ATG7: variants seen among roughly 807,000 people sequenced by gnomAD.
ATG7 encodes the protein ubiquitin-like modifier-activating enzyme ATG7.
A neutral mutation model predicts 82.4 loss-of-function variants in ATG7; 70 were observed. The observed-to-expected ratio is 0.85, with a 90% confidence interval of 0.70 to 1.04. The LOEUF is 1.04. Ranked by LOEUF, ATG7 falls within the 50% of genes least tolerant of loss-of-function variation. The probability of loss-of-function intolerance (pLI) is 0.00; values close to 1 mark genes in which losing one functional copy is unlikely to be tolerated. For synonymous variants in ATG7, 287 were observed against 313.0 expected, an observed-to-expected ratio of 0.92 and a Z score of 0.88; for missense variants, 792 against 864.3, an observed-to-expected ratio of 0.92 and a Z score of 1.05.
chr3:11,418,483 C>G (rs997087775), intron 19 of ATG7, among the ~76,000 whole-genome samples: 2 of 152,162 alleles, frequency 1.3e-5, no homozygotes, highest in African/African-American at 4.8e-5. Context: ...CGAGTATTTA[C>G]TGAGAGAACC....
intron 9 of ATG7, among the ~76,000 whole-genome samples, chr3:11,318,816 G>A (rs1467825228): frequency 6.6e-6 from 1 of 152,110 alleles, no homozygotes; most frequent in Non-Finnish European, 1.5e-5. Flanking sequence ...ACATCTCTCT[G>A]TCTCCCTTCT....
In ATG7 at chr3:11,299,527, G is replaced by C; in HGVS notation, c.215+111G>C. On this transcript the variant is annotated intron_variant, in intron 5 of 20. Coordinates refer to ENST00000693202, the MANE Select transcript of ATG7 (RefSeq NM_001349232.2). ...CACAGGAGGACTAGGGAAGTTCCCG[G>C]TGGGCAGAGTCAGCCCCCCTCATGA... The C allele has an allele frequency of 3.6e-6, 4 of 1,103,178 alleles. No homozygotes were observed. In the East Asian group the frequency reaches 9.6e-5, roughly 26 times the overall value. 68.3% of individuals were successfully genotyped at this position (1,103,178 alleles called of 1,614,324 possible). A position where few individuals can be genotyped will look rare whatever the true frequency, so the allele number is the denominator to read the frequency against.
chr3:11,358,312 C>T, intron 14 of ATG7, 106 bp from the exon 15 acceptor site: 1 of 1,126,938 alleles, frequency 8.9e-7, no homozygotes, highest in Non-Finnish European at 1.3e-6. Flanking sequence ...AGGGAGCTCT[C>T]ATGTATGTGA....
chr3:11,564,169 C>T, the ATG7 span, among the ~76,000 whole-genome samples: 1 of 152,176 alleles, frequency 6.6e-6, no homozygotes, highest in East Asian at 1.9e-4. Context: ...CATATATTTC[C>T]CCAGGAACCC....
chr3:11,571,823 T>A, the ATG7 span, among the ~76,000 whole-genome samples: 10 of 151,880 alleles, frequency 6.6e-5, no homozygotes, highest in African/African-American at 2.2e-4. Flanking sequence ...GAGAAGCCTA[T>A]TGGCCGGGCA....
the ATG7 span, among the ~76,000 whole-genome samples, chr3:11,563,156 T>C: frequency 6.7e-6 from 1 of 150,360 alleles, no homozygotes; most frequent in Non-Finnish European, 1.5e-5. Flanking sequence ...TGGGCAGAGA[T>C]AGCTTGTAAG....
At position 11,378,027 on chromosome 3, in the gene ATG7, A is replaced by ATTTTTTTTTTTT. The variant is rs61176051; in HGVS notation, c.1876-1938_1876-1927dup. On this transcript the variant is annotated intron_variant, in intron 18 of 20. Transcript: ENST00000693202. ...GCTATCTAACTTATACCAGTTACCA[A>ATTTTTTTTTTTT]TTTTTTTTTTTTTTTTTTGAGATGG... 4.2e-3 allele frequency among the ~76,000 whole-genome samples: 394 copies of ATTTTTTTTTTTT among 92,710 alleles called. 57 individuals are homozygous for ATTTTTTTTTTTT. The highest frequency in any genetic ancestry group is 0.019 in the African/African-American group (352 of 18,702). The allele number at this position is 92,710 out of a possible 152,430, so 60.8% of individuals were successfully genotyped here. A position where few individuals can be genotyped will look rare whatever the true frequency, so the allele number is the denominator to read the frequency against.
intron 20 of ATG7, among the ~76,000 whole-genome samples, chr3:11,552,029 G>A (rs191985805): frequency 3.9e-5 from 6 of 152,194 alleles, no homozygotes; most frequent in African/African-American, 7.2e-5. Flanking sequence ...GATTACAGGC[G>A]TGCGCCACCA....
intron 5 of ATG7, among the ~76,000 whole-genome samples, chr3:11,303,917 CAAAAAA>C (rs55893689): frequency 0.037 from 2,846 of 75,940 alleles, 135 homozygotes; most frequent in African/African-American, 0.13. Context: ...ACTAAAAATG[CAAAAAA>C]AAAAAAAAAA....
downstream of ATG7, among the ~76,000 whole-genome samples, chr3:11,560,610 G>A (rs1378788059): frequency 1.3e-5 from 2 of 152,224 alleles, no homozygotes; most frequent in Non-Finnish European, 2.9e-5. Flanking sequence ...GGATGAAAAT[G>A]TGGATCCACA....
chr3:11,561,127 C>T (rs569634309), downstream of ATG7, among the ~76,000 whole-genome samples: 1 of 93,056 alleles, frequency 1.1e-5, no homozygotes, highest in Non-Finnish European at 2.2e-5. Context: ...TCTAGGAGAC[C>T]CCCCCCCAGG....
intron 19 of ATG7, among the ~76,000 whole-genome samples, chr3:11,412,851 CATTT>C (rs1435328747): frequency 6.6e-6 from 1 of 151,862 alleles, no homozygotes; most frequent in African/African-American, 2.4e-5. Context: ...GGTGTATTTC[CATTT>C]ATTTATGATG....
chr3:11,275,883 G>A (rs1941669859), intron 1 of ATG7, among the ~76,000 whole-genome samples: 1 of 152,106 alleles, frequency 6.6e-6, no homozygotes, highest in African/African-American at 2.4e-5. Flanking sequence ...TACCATCCTT[G>A]AACTTGCTCT....
intron 20 of ATG7, among the ~76,000 whole-genome samples, chr3:11,547,393 G>A (rs1245577282): frequency 1.3e-5 from 2 of 152,198 alleles, no homozygotes; most frequent in Non-Finnish European, 2.9e-5. Flanking sequence ...TTATTCATCA[G>A]TTGGTGGAAA....
chr3:11,468,264 T>C (rs1370433498), intron 20 of ATG7, among the ~76,000 whole-genome samples: 1 of 152,172 alleles, frequency 6.6e-6, no homozygotes. Flanking sequence ...ACCCGAGGAA[T>C]CTGCAGTCTC....
rs1955028477 is a variant in ATG7, at chr3:11,349,008, T to C, written c.1284+973T>C. 2.0e-5 allele frequency among the ~76,000 whole-genome samples: 3 copies of C among 151,226 alleles called. No individual in the cohort carries two copies. In the South Asian group the frequency reaches 6.3e-4, roughly 32 times the overall value. The stretch of plus-strand genomic sequence containing the variant: ...AGTTTTTACAGAGTGCTGATTGGTG[T>C]GTTTACAATCCTCTAGCTAGACACA... On this transcript the variant is annotated intron_variant, in intron 14 of 20. Coordinates refer to ENST00000693202, the MANE Select transcript of ATG7 (RefSeq NM_001349232.2).
At chr3:11,322,330 AC>A (rs1436014107) in intron 9 of ATG7, among the ~76,000 whole-genome samples, 3 of 152,206 alleles carry the variant, frequency 2.0e-5, no homozygotes, top group Non-Finnish European at 2.9e-5. Flanking sequence ...CAAATAGCTC[AC>A]CACCTGCAGT....
chr3:11,480,617 G>A (rs957612721), intron 20 of ATG7, among the ~76,000 whole-genome samples: 2 of 152,236 alleles, frequency 1.3e-5, no homozygotes, highest in East Asian at 1.9e-4. Flanking sequence ...TGGTTTCCTC[G>A]ACTTCACCTA....
chr3:11,272,695 C>T (rs1940728279), intron 1 of ATG7: 1 of 152,236 alleles, frequency 6.6e-6, no homozygotes, highest in African/African-American at 2.4e-5. Flanking sequence ...TAAGTCAGCC[C>T]CTCCTGTCCT....
Sources: gnomAD v4.1 joint callset for allele counts (sites outside exome capture counted in the v4.1 genomes callset) on GRCh38, gnomAD v4.1.1 for gene constraint, MANE v1.5 for transcripts, NCBI Gene and HGNC (gene_info 2026-07-23, HGNC 2026-07-21) for gene names.